The following PDE8A variants were observed in gnomAD, a reference collection of about 807,000 sequenced individuals.
PDE8A encodes the protein phosphodiesterase 8A.
A neutral mutation model predicts 105.0 loss-of-function variants in PDE8A; 59 were observed. That is an observed-to-expected ratio of 0.56 (90% CI 0.46 to 0.70). The LOEUF (loss-of-function observed/expected upper bound fraction) is 0.70, where lower values mean the gene tolerates loss of function less well. Ranked by LOEUF, PDE8A falls within the 30% of genes least tolerant of loss-of-function variation. PDE8A has a pLI of 0.00. For synonymous variants in PDE8A, 355 were observed against 371.9 expected, an observed-to-expected ratio of 0.95 and a Z score of 0.52; for missense variants, 1,014 against 1,045.9, an observed-to-expected ratio of 0.97 and a Z score of 0.42.
intron 17 of PDE8A, among the ~76,000 whole-genome samples, chr15:85,118,601 T>C (rs757648968): frequency 1.3e-5 from 2 of 152,278 alleles, no homozygotes; most frequent in South Asian, 2.1e-4. Context: ...ATTTAAACTT[T>C]AAACTCTACA....
At chr15:85,088,449 C>A (rs886242940) in intron 6 of PDE8A, among the ~76,000 whole-genome samples, 1 of 152,254 alleles carries the variant, frequency 6.6e-6, no homozygotes, top group Non-Finnish European at 1.5e-5. Flanking sequence ...ACTTCGTGTC[C>A]TTTTATGTCT....
chr15:84,989,989 C>T (rs2079861157), intron 1 of PDE8A, among the ~76,000 whole-genome samples: 1 of 152,112 alleles, frequency 6.6e-6, no homozygotes, highest in East Asian at 1.9e-4. Context: ...GGATTCATTT[C>T]AAAGTAAGTT....
Position 85,083,551 on chromosome 15 carries a change from T to G in PDE8A, c.547-5T>G, listed in dbSNP as rs1397253999. ...TATCCACAAAATTCCTCTTTCTGTT[T>G]GTAGAGGTATGTAGAAAACCCCAAC... is the stretch of plus-strand genomic sequence containing the variant. On this transcript the variant is annotated splice_polypyrimidine_tract_variant and splice_region_variant and intron_variant, in intron 5 of 21. Coordinates refer to ENST00000394553, the MANE Select transcript of PDE8A (RefSeq NM_002605.3). 6.3e-7 allele frequency: 1 copy of G among 1,587,968 alleles called. No homozygotes were observed. Among genetic ancestry groups the G allele is most frequent in the South Asian group, 1.1e-5 (1 of 90,446 alleles).
intron 1 of PDE8A, among the ~76,000 whole-genome samples, chr15:85,025,422 A>AG (rs996650023): frequency 1.5e-5 from 2 of 130,068 alleles, no homozygotes; most frequent in South Asian, 5.5e-4. Context: ...TGTTTTTTCC[A>AG]GGGGGGTGGG....
At chr15:85,009,695 A>G (rs1476976057) in intron 1 of PDE8A, among the ~76,000 whole-genome samples, 1 of 152,332 alleles carries the variant, frequency 6.6e-6, no homozygotes, top group East Asian at 1.9e-4. Flanking sequence ...AGGAATGTAA[A>G]TTAGCAAGAT....
At chr15:84,985,724 G>T (rs2079791705) in intron 1 of PDE8A, among the ~76,000 whole-genome samples, 1 of 152,152 alleles carries the variant, frequency 6.6e-6, no homozygotes, top group Non-Finnish European at 1.5e-5. Context: ...AACGTATGTT[G>T]AATTAGAGAA....
chr15:85,038,173 G>A (rs1459746826), intron 1 of PDE8A, among the ~76,000 whole-genome samples: 7 of 151,884 alleles, frequency 4.6e-5, no homozygotes, highest in Non-Finnish European at 2.9e-5. Flanking sequence ...TAGCTCTTGC[G>A]TATTAGTGTC....
chr15:85,134,422 C>T (rs2082373943), intron 20 of PDE8A, among the ~76,000 whole-genome samples: 1 of 152,228 alleles, frequency 6.6e-6, no homozygotes, highest in South Asian at 2.1e-4. Context: ...GCGCCCCCAC[C>T]CCTTCCTCTC....
chr15:85,111,130 T>A (rs2082015107), intron 12 of PDE8A, among the ~76,000 whole-genome samples: 1 of 152,242 alleles, frequency 6.6e-6, no homozygotes, highest in African/African-American at 2.4e-5. Context: ...ATGGGTTATC[T>A]GTGTATCACA....
At chr15:85,070,192 G>A (rs1037452082) in intron 3 of PDE8A, among the ~76,000 whole-genome samples, 1 of 152,118 alleles carries the variant, frequency 6.6e-6, no homozygotes, top group Non-Finnish European at 1.5e-5. Flanking sequence ...TTGTTGACCT[G>A]TCTAAATGAC....
intron 3 of PDE8A, among the ~76,000 whole-genome samples, chr15:85,072,232 T>A (rs1181695944): frequency 6.6e-6 from 1 of 152,058 alleles, no homozygotes; most frequent in Non-Finnish European, 1.5e-5. Context: ...AGTAATGGAG[T>A]TGTGCTTTTG....
chr15:85,080,854 G>A (rs985504031), intron 5 of PDE8A, among the ~76,000 whole-genome samples: 8 of 152,150 alleles, frequency 5.3e-5, no homozygotes, highest in African/African-American at 1.2e-4. Flanking sequence ...TTAGGTGCAC[G>A]CCCCTGTGAG....
At position 85,086,049 on chromosome 15, in the gene PDE8A, G is replaced by A. The variant is rs533099484; in HGVS notation, c.635+2405G>A. On this transcript the variant is annotated intron_variant, in intron 6 of 21. Transcript: ENST00000394553. Reference sequence around the variant, plus strand: ...AAAAAAAAAAAAGAATTTAGCATATGATTACATGGCATTTTAAATCAACAC... The same window carrying A: ...AAAAAAAAAAAAGAATTTAGCATATAATTACATGGCATTTTAAATCAACAC... Among the ~76,000 whole-genome samples the A allele has an allele frequency of 5.3e-5, 8 of 151,404 alleles. No individual in the cohort carries two copies. The East Asian group carries it at 1.6e-3, about 29-fold the overall frequency.
intron 20 of PDE8A, among the ~76,000 whole-genome samples, chr15:85,127,945 A>G (rs1431041814): frequency 6.6e-6 from 1 of 151,928 alleles, no homozygotes; most frequent in Non-Finnish European, 1.5e-5. Context: ...AACAAGTACA[A>G]CCATGGGACA....
At chr15:85,028,902 T>G (rs530855557) in intron 1 of PDE8A, among the ~76,000 whole-genome samples, 1 of 152,278 alleles carries the variant, frequency 6.6e-6, no homozygotes, top group South Asian at 2.1e-4. Flanking sequence ...GCAGCATATT[T>G]CATTGCATAT....
chr15:85,115,550 A>G (rs1942319766), intron 15 of PDE8A, 63 bp downstream of exon 15: 3 of 817,284 alleles, frequency 3.7e-6, no homozygotes, highest in Admixed American at 6.3e-5. Flanking sequence ...AGCTTAAGTG[A>G]TGAAAATAAT....
intron 10 of PDE8A, 36 bp downstream of exon 10, chr15:85,100,102 C>T (rs750003280): frequency 1.9e-6 from 3 of 1,612,130 alleles, no homozygotes; most frequent in East Asian, 2.2e-5. Flanking sequence ...CCCAGGAACA[C>T]CCCAGCAAGA....
Position 84,982,234 on chromosome 15 carries a change from G to A in PDE8A, c.72G>A (p.Pro24=), listed in dbSNP as rs1241086227. 6.8e-7 allele frequency: 1 copy of A among 1,471,472 alleles called. No homozygotes were observed. The highest frequency in any genetic ancestry group is 1.3e-5 in the South Asian group (1 of 77,244). 91.2% of individuals were successfully genotyped at this position (1,471,472 alleles called of 1,614,324 possible). A position where few individuals can be genotyped will look rare whatever the true frequency, so the allele number is the denominator to read the frequency against. Residue 24 remains proline (P), a synonymous_variant, in exon 1 of 22, where the codon CCG becomes CCA. Transcript: ENST00000394553. ...VAEDAPSPAA[P]PLSSGGPRLP... is the part of the protein sequence containing the mutation. The stretch of plus-strand genomic sequence containing the variant: ...AGGACGCGCCTAGCCCCGCGGCACC[G>A]CCGCTGTCGTCCGGCGGGCCGCGCC...
intron 1 of PDE8A, among the ~76,000 whole-genome samples, chr15:85,008,344 C>T (rs1002044630): frequency 1.3e-5 from 2 of 151,966 alleles, no homozygotes; most frequent in African/African-American, 4.8e-5. Flanking sequence ...CAGAATTCCA[C>T]GTGCTGATAC....
Sources: gnomAD v4.1 joint callset for allele counts (sites outside exome capture counted in the v4.1 genomes callset) on GRCh38, gnomAD v4.1.1 for gene constraint, MANE v1.5 for transcripts, NCBI Gene and HGNC (gene_info 2026-07-23, HGNC 2026-07-21) for gene names.